The following LYG2 variants were observed in gnomAD, a reference collection of about 807,000 sequenced individuals.
The protein encoded by LYG2 is lysozyme g2, also known as lysozyme g-like protein 2.
LYG2 carries 25 observed loss-of-function variants against 22.4 expected under a neutral mutation model. The observed-to-expected ratio is 1.12, with a 90% confidence interval of 0.81 to 1.56. The LOEUF (loss-of-function observed/expected upper bound fraction) is 1.56. LYG2 is among the 40% of genes most tolerant of loss of function. The pLI is 0.00. For missense variants in LYG2, 266 were observed against 269.5 expected, an observed-to-expected ratio of 0.99 and a Z score of 0.09; for synonymous variants, 88 against 97.0, an observed-to-expected ratio of 0.91 and a Z score of 0.55.
chr2:99,254,328 A>G (rs2094032244), intron 2 of LYG2, 43 bp from the exon 3 acceptor site: 1 of 1,491,854 alleles, frequency 6.7e-7, no homozygotes, highest in African/African-American at 1.4e-5. Context: ...TTAAAACCTG[A>G]AAATTTCCTA....
upstream of LYG2, among the ~76,000 whole-genome samples, chr2:99,256,414 G>A (rs919708971): frequency 3.3e-5 from 5 of 152,298 alleles, no homozygotes; most frequent in Admixed American, 3.3e-4. Context: ...TCTTGAATAA[G>A]GGATATTGCA....
intron 6 of LYG2, 21 bp from the exon 7 acceptor site, chr2:99,242,503 T>C (rs1231154399): frequency 3.4e-6 from 5 of 1,483,962 alleles, no homozygotes; most frequent in African/African-American, 1.4e-5. Context: ...ACACAGAGAA[T>C]TAGGCTCAAA....
rs960411752 is a variant in LYG2, at chr2:99,244,011, G to A, written c.508C>T (p.Gln170Ter). 7.4e-6 allele frequency: 12 copies of A among 1,614,046 alleles called. No homozygotes were observed. Among genetic ancestry groups the A allele is most frequent in the Non-Finnish European group, 1.0e-5 (12 of 1,179,988 alleles). The change falls in exon 6 of 7, where the codon CAG (glutamine) becomes TAG (stop). Residue 170 changes from glutamine to a stop codon, truncating the protein, a stop_gained. Coordinates refer to ENST00000333017, the MANE Select transcript of LYG2 (RefSeq NM_175735.4). LOFTEE classifies it high-confidence loss of function. ...QKKFPTWSVAQHLKGGLSAFK... is the reference protein window; with the variant it reads ...QKKFPTWSVA ...GAATACAGCCTACCTTTGAGGTGCT[G>A]AGCAACACTCCACGTGGGGAATTTT...
Position 99,247,015 on chromosome 2 carries a change from A to C in LYG2, c.44-195T>G, listed in dbSNP as rs1272453851. ...ATCTTTTGTTTTGTTTTGTATTAAC[A>C]CAGGACGTAATCTGAAAACTCTATG... On this transcript the variant is annotated intron_variant, in intron 3 of 6. Transcript: ENST00000333017. Among the ~76,000 whole-genome samples, 3 of 152,236 alleles carry C rather than the reference A, an allele frequency of 2.0e-5. No homozygotes were observed. The East Asian group carries it at 5.8e-4, about 29-fold the overall frequency.
At position 99,252,140 on chromosome 2, in the gene LYG2, G is replaced by A. The variant is rs1175269285; in HGVS notation, c.43+2078C>T. Among the ~76,000 whole-genome samples the A allele has an allele frequency of 2.0e-4, 9 of 44,820 alleles. 4 individuals are homozygous for A. Among genetic ancestry groups the A allele is most frequent in the Admixed American group, 1.8e-3 (4 of 2,260 alleles). 29.4% of individuals were successfully genotyped at this position (44,820 alleles called of 152,430 possible). On this transcript the variant is annotated intron_variant, in intron 3 of 6. Transcript: ENST00000333017. ...ATGTTTTTATCTCACTGCAAGCTCC[G>A]CCTCCCAAGTTCATGCCATTCTCCT...
upstream of LYG2, among the ~76,000 whole-genome samples, chr2:99,259,226 AT>A (rs1389749492): frequency 1.1e-4 from 16 of 146,168 alleles, no homozygotes; most frequent in Admixed American, 1.4e-4. Context: ...AAAAAAAAAA[AT>A]GTCTCCCAAA....
chr2:99,254,362 T>TA (rs1224399660), intron 2 of LYG2, 77 bp from the exon 3 acceptor site: 1 of 1,176,278 alleles, frequency 8.5e-7, no homozygotes, highest in Non-Finnish European at 1.2e-6. Context: ...TTTGATATTT[T>TA]AAAAAGTTTA....
chr2:99,245,012 T>C (rs185936435), intron 5 of LYG2, among the ~76,000 whole-genome samples: 1 of 151,124 alleles, frequency 6.6e-6, no homozygotes, highest in Non-Finnish European at 1.5e-5. Context: ...CTCAGGAGGC[T>C]GAGGGAGGAG....
At position 99,242,630 on chromosome 2, in the gene LYG2, C is replaced by T. The variant is rs539649086; in HGVS notation, c.521-148G>A. On this transcript the variant is annotated intron_variant, in intron 6 of 6. Transcript: ENST00000333017. The stretch of plus-strand genomic sequence containing the variant: ...CCCTCTCCCTCCCTTTCTGAAAGGA[C>T]GTGCTATCCCAAGAATCACTGGGAA... The T allele has an allele frequency of 4.9e-5, 25 of 508,306 alleles. No individual in the cohort carries two copies. The Admixed American group carries it at 6.0e-4, about 12-fold the overall frequency. 31.5% of individuals were successfully genotyped at this position (508,306 alleles called of 1,614,324 possible).
intron 5 of LYG2, among the ~76,000 whole-genome samples, chr2:99,244,452 T>C (rs1299581235): frequency 6.6e-6 from 1 of 152,238 alleles, no homozygotes; most frequent in Admixed American, 6.5e-5. Flanking sequence ...GATAAAAATT[T>C]GTTTCTAACT....
chr2:99,250,615 C>A (rs914912338), intron 3 of LYG2, among the ~76,000 whole-genome samples: 4 of 152,172 alleles, frequency 2.6e-5, no homozygotes, highest in Admixed American at 2.6e-4. Context: ...ACCTTGTGAT[C>A]CGCCCACCTT....
chr2:99,242,459 C>T lies in LYG2; in HGVS notation c.544G>A (p.Gly182Arg), dbSNP rs761091272. The change falls in exon 7 of 7, where the codon GGA becomes AGA. Residue 182 changes from glycine to arginine, a missense_variant. By Grantham distance (125) the Gly-to-Arg change is moderately radical. Coordinates refer to ENST00000333017, the MANE Select transcript of LYG2 (RefSeq NM_175735.4). ...LKGGLSAFKS[G>R]IEAIATPSDI... Reference sequence around the variant, plus strand: ...GATGGGGTGGCAATCGCTTCAATTCCTGACTTAAAAGCTGAGAGACCACCT... The same window carrying T: ...GATGGGGTGGCAATCGCTTCAATTCTTGACTTAAAAGCTGAGAGACCACCT... 5 of 1,612,122 alleles carry T rather than the reference C, an allele frequency of 3.1e-6. No individual in the cohort carries two copies. Among genetic ancestry groups the T allele is most frequent in the South Asian group, 1.1e-5 (1 of 90,712 alleles).
At chr2:99,260,393 A>G (rs1296876479), upstream of LYG2, among the ~76,000 whole-genome samples, 1 of 152,190 alleles carries the variant, frequency 6.6e-6, no homozygotes, top group Non-Finnish European at 1.5e-5. Flanking sequence ...CAGCATAATC[A>G]ATTTTAGAGT....
At chr2:99,245,192 T>C in intron 5 of LYG2, 70 bp downstream of exon 5, 10 of 1,455,800 alleles carry the variant, frequency 6.9e-6, no homozygotes, top group Non-Finnish European at 8.2e-6. Context: ...TGCAAATGGA[T>C]TTCTAGTTCA....
At chr2:99,245,866 G>T (rs879565114) in intron 4 of LYG2, among the ~76,000 whole-genome samples, 5 of 152,072 alleles carry the variant, frequency 3.3e-5, no homozygotes, top group African/African-American at 4.8e-5. Context: ...CCAGCACTTT[G>T]GGAGGCCGAG....
intron 6 of LYG2, chr2:99,243,301 A>T: frequency 2.6e-6 from 2 of 762,362 alleles, no homozygotes; most frequent in Admixed American, 2.9e-5. Flanking sequence ...TATAGTGGGA[A>T]GTTAGTGAGT....
chr2:99,260,030 C>T (rs941929996), upstream of LYG2, among the ~76,000 whole-genome samples: 7 of 149,150 alleles, frequency 4.7e-5, no homozygotes, highest in Admixed American at 6.7e-5. Flanking sequence ...GGCATGATCT[C>T]GGATCACTGC....
At chr2:99,248,593 G>A (rs2094020587) in intron 3 of LYG2, among the ~76,000 whole-genome samples, 1 of 136,902 alleles carries the variant, frequency 7.3e-6, no homozygotes, top group Non-Finnish European at 1.6e-5. Flanking sequence ...TGGGGTGGAG[G>A]GAGGGGGGAG....
chr2:99,260,033 A>C (rs6542876), upstream of LYG2, among the ~76,000 whole-genome samples: 139,696 of 150,624 alleles, frequency 0.93, 65,035 homozygotes, highest in Middle Eastern at 1. Context: ...ATGATCTCGG[A>C]TCACTGCAAC....
Sources: gnomAD v4.1 joint callset for allele counts (sites outside exome capture counted in the v4.1 genomes callset) on GRCh38, gnomAD v4.1.1 for gene constraint, MANE v1.5 for transcripts, NCBI Gene and HGNC (gene_info 2026-07-23, HGNC 2026-07-21) for gene names.